MBD2: variants seen among roughly 807,000 people sequenced by gnomAD.
The protein encoded by MBD2 is methyl-CpG binding domain protein 2, also known as methyl-CpG-binding domain protein 2.
In MBD2, 9 loss-of-function variants were observed where a neutral mutation model predicts 39.3. That is an observed-to-expected ratio of 0.23 (90% CI 0.14 to 0.40). The LOEUF is 0.40. Among genes scored for constraint, MBD2 ranks in the 10% least tolerant of loss-of-function variants. MBD2 has a pLI of 1.00. For synonymous variants in MBD2, 233 were observed against 211.1 expected (o/e 1.10, Z -0.90); for missense variants, 458 against 532.6 (o/e 0.86, Z 1.38).
chr18:54,155,900 C>T (rs1568075973), intron 6 of MBD2, among the ~76,000 whole-genome samples: 1 of 152,160 alleles, frequency 6.6e-6, no homozygotes, highest in Non-Finnish European at 1.5e-5. Context: ...TCATCATCTT[C>T]TTCTTCTTCT....
At chr18:54,222,474 C>A (rs2086624042) in intron 1 of MBD2, 1 of 413,120 alleles carries the variant, frequency 2.4e-6, no homozygotes, top group Non-Finnish European at 4.8e-6. Context: ...CCAAGACTAT[C>A]ACACTTTTTC....
chr18:54,158,164 C>T (rs569752342), intron 6 of MBD2, among the ~76,000 whole-genome samples: 4 of 152,268 alleles, frequency 2.6e-5, no homozygotes, highest in South Asian at 4.1e-4. Flanking sequence ...ACAGGTCCTA[C>T]GTGACTAGGT....
intron 3 of MBD2, chr18:54,187,846 G>GA (rs1320316048): frequency 1.0e-6 from 1 of 985,534 alleles, no homozygotes; most frequent in African/African-American, 1.7e-5. Flanking sequence ...ACCTGAAGAG[G>GA]AAAAAACACT....
intron 4 of MBD2, 104 bp from the exon 5 acceptor site, chr18:54,164,804 A>G: frequency 1.1e-6 from 1 of 890,710 alleles, no homozygotes; most frequent in South Asian, 1.9e-5. Flanking sequence ...TTGGGATCAT[A>G]TATGTAAAAC....
At chr18:54,192,015 A>G (rs1472588955) in intron 2 of MBD2, among the ~76,000 whole-genome samples, 1 of 152,202 alleles carries the variant, frequency 6.6e-6, no homozygotes, top group East Asian at 1.9e-4. Context: ...CGCATTTTAA[A>G]TGCTCTCCTG....
intron 3 of MBD2, among the ~76,000 whole-genome samples, chr18:54,171,390 C>G (rs2086178673): frequency 6.6e-6 from 1 of 150,688 alleles, no homozygotes; most frequent in Non-Finnish European, 1.5e-5. Flanking sequence ...GAGCAAAACT[C>G]CATCTCAAAA....
At position 54,212,022 on chromosome 18, in the gene MBD2, ATT is replaced by A. The variant is rs770746456; in HGVS notation, c.543-6867_543-6866del. ...AGGCGCCTGCCACCAAACCCAGCTA[ATT>A]TTTTTCTATTTTTAGTAGAGACGGG... On this transcript the variant is annotated intron_variant, in intron 1 of 6. Transcript: ENST00000256429. Among the ~76,000 whole-genome samples, 41 of 151,916 alleles carry A rather than the reference ATT, an allele frequency of 2.7e-4. No individual in the cohort carries two copies. In the East Asian group the frequency reaches 7.1e-3, roughly 26 times the overall value.
chr18:54,190,544 G>A lies in MBD2; in HGVS notation c.703-1533C>T, dbSNP rs139731972. On this transcript the variant is annotated intron_variant, in intron 2 of 6. Transcript: ENST00000256429. ...GAATCAGTGGGTGAATAATAATCTT[G>A]TTTATATTAATCTTTCTTAAATGTG... is the stretch of plus-strand genomic sequence containing the variant. 8.0e-3 allele frequency among the ~76,000 whole-genome samples: 1,217 copies of A among 152,234 alleles called. 30 individuals are homozygous for A. The highest frequency in any genetic ancestry group is 0.028 in the African/African-American group (1,164 of 41,534).
chr18:54,218,640 A>G (rs1229035161), intron 1 of MBD2, among the ~76,000 whole-genome samples: 3 of 151,240 alleles, frequency 2.0e-5, no homozygotes, highest in Non-Finnish European at 4.4e-5. Context: ...AATGGAGATA[A>G]CTGTACCTGT....
In MBD2 at chr18:54,152,148, G is replaced by T. The variant is rs538139944; in HGVS notation, c.*3176C>A. On this transcript the variant is annotated 3_prime_UTR_variant, in exon 7 of 7. Transcript: ENST00000256429. Reference sequence around the variant, plus strand: ...AAGTGCGGTGGGAACAGGGAAGGCGGGAAAGAACATCTGCCTGAAGAAATC... The same window carrying T: ...AAGTGCGGTGGGAACAGGGAAGGCGTGAAAGAACATCTGCCTGAAGAAATC... 6.6e-6 allele frequency: 1 copy of T among 152,188 alleles called. No individual in the cohort carries two copies. Among genetic ancestry groups the T allele is most frequent in the Non-Finnish European group, 1.5e-5 (1 of 68,062 alleles). 9.4% of individuals were successfully genotyped at this position (152,188 alleles called of 1,614,324 possible).
chr18:54,190,313 G>A (rs2086312022), intron 2 of MBD2, among the ~76,000 whole-genome samples: 1 of 152,088 alleles, frequency 6.6e-6, no homozygotes, highest in South Asian at 2.1e-4. Context: ...TTCTCCCCAG[G>A]TCTGTTTGGG....
intron 3 of MBD2, among the ~76,000 whole-genome samples, chr18:54,168,824 T>C (rs1403172882): frequency 3.3e-5 from 5 of 151,984 alleles, no homozygotes; most frequent in Admixed American, 1.3e-4. Flanking sequence ...CTAATTTCAC[T>C]GAAAACTGAA....
chr18:54,180,909 T>C (rs1325058527), intron 3 of MBD2, among the ~76,000 whole-genome samples: 3 of 44,828 alleles, frequency 6.7e-5, no homozygotes, highest in Non-Finnish European at 1.4e-4. Flanking sequence ...TTTTCTTTTT[T>C]TTTTTTTTTT....
chr18:54,215,502 T>C (rs1366798831), intron 1 of MBD2, among the ~76,000 whole-genome samples: 1 of 151,104 alleles, frequency 6.6e-6, no homozygotes, highest in African/African-American at 2.4e-5. Context: ...TTTTTTTTTT[T>C]TTTTTTGAGA....
At chr18:54,168,126 T>C (rs2144285777) in intron 3 of MBD2, among the ~76,000 whole-genome samples, 1 of 151,658 alleles carries the variant, frequency 6.6e-6, no homozygotes, top group Admixed American at 6.6e-5. Context: ...AGTCACTGAT[T>C]TGTAAAAATA....
At chr18:54,202,971 C>G (rs770610569) in intron 2 of MBD2, 1 of 991,510 alleles carries the variant, frequency 1.0e-6, no homozygotes, top group Non-Finnish European at 1.6e-6. Flanking sequence ...GAAGCTGGGT[C>G]TTGGATGAGT....
At chr18:54,171,099 T>A (rs561277750) in intron 3 of MBD2, among the ~76,000 whole-genome samples, 2 of 152,042 alleles carry the variant, frequency 1.3e-5, no homozygotes, top group Admixed American at 1.3e-4. Flanking sequence ...CTGGTTTGGT[T>A]TGTGTTGAAA....
At chr18:54,216,335 G>C (rs8094185) in intron 1 of MBD2, among the ~76,000 whole-genome samples, 4,853 of 152,282 alleles carry the variant, frequency 0.032, 256 homozygotes, top group African/African-American at 0.11. Context: ...CCTATAAGGG[G>C]AGTCAGGCCT....
Position 54,172,250 on chromosome 18 carries a change from G to A in MBD2, c.841-6084C>T, listed in dbSNP as rs1029707719. ...ATTGTCATGAGAAGTAGCTCACATG[G>A]TAAAAAATAAAGAATTGGTGTAACA... On this transcript the variant is annotated intron_variant, in intron 3 of 6. Coordinates refer to ENST00000256429, the MANE Select transcript of MBD2 (RefSeq NM_003927.5). 1.1e-4 allele frequency among the ~76,000 whole-genome samples: 17 copies of A among 152,102 alleles called. No homozygotes were observed. The East Asian group carries it at 2.1e-3, about 19-fold the overall frequency.
Sources: gnomAD v4.1 joint callset for allele counts (sites outside exome capture counted in the v4.1 genomes callset) on GRCh38, gnomAD v4.1.1 for gene constraint, MANE v1.5 for transcripts, NCBI Gene and HGNC (gene_info 2026-07-23, HGNC 2026-07-21) for gene names.